ROBO2: variants seen among roughly 807,000 people sequenced by gnomAD.
ROBO2 encodes roundabout homolog 2.
ROBO2 carries 53 observed loss-of-function variants against 160.8 expected under a neutral mutation model. The ratio of observed to expected loss-of-function variants is 0.33; its 90% CI spans 0.26 to 0.41. The LOEUF is 0.41. ROBO2 is among the 10% of genes least tolerant of loss of function. ROBO2 has a pLI of 1.00. For missense variants in ROBO2, 1,577 were observed against 1,722.4 expected (o/e 0.92, Z 1.49); for synonymous variants, 664 against 611.7 (o/e 1.09, Z -1.26).
intron 2 of ROBO2, among the ~76,000 whole-genome samples, chr3:77,410,482 C>A (rs2076613678): frequency 1.3e-5 from 2 of 149,652 alleles, no homozygotes; most frequent in South Asian, 4.3e-4. Flanking sequence ...CCCCTTCTCC[C>A]TCTTCTTTCC....
intron 2 of ROBO2, among the ~76,000 whole-genome samples, chr3:76,141,151 C>G (rs865806961): frequency 2.3e-5 from 1 of 44,266 alleles, no homozygotes; most frequent in Non-Finnish European, 4.0e-5. Flanking sequence ...CTCTCTCTCT[C>G]TCTCTCTCTA....
At chr3:77,556,641 G>A (rs1216141111) in intron 8 of ROBO2, among the ~76,000 whole-genome samples, 4 of 151,822 alleles carry the variant, frequency 2.6e-5, no homozygotes, top group Non-Finnish European at 4.4e-5. Context: ...AAAAGCTGGT[G>A]GGCAAAGGAA....
At chr3:76,113,443 A>G (rs2070327661) in intron 2 of ROBO2, among the ~76,000 whole-genome samples, 1 of 152,170 alleles carries the variant, frequency 6.6e-6, no homozygotes, top group Non-Finnish European at 1.5e-5. Flanking sequence ...AAAAGGACCC[A>G]GGAAGCTTTG....
At position 77,376,154 on chromosome 3, in the gene ROBO2, C is replaced by CTTTTTTTTT. The variant is rs11425201; in HGVS notation, c.389-101248_389-101240dup. Among the ~76,000 whole-genome samples, 158 of 115,530 alleles carry CTTTTTTTTT rather than the reference C, an allele frequency of 1.4e-3. 5 individuals carry two copies. Among genetic ancestry groups the CTTTTTTTTT allele is most frequent in the Middle Eastern group, 0.01 (2 of 198 alleles). The allele number at this position is 115,530 out of a possible 152,430, so 75.8% of individuals were successfully genotyped here. On this transcript the variant is annotated intron_variant, in intron 2 of 25. Coordinates refer to ENST00000461745, the Ensembl canonical transcript of ROBO2. ...AACATTACAATAGGCATTTAACTTT[C>CTTTTTTTTT]TTTTTTTTTTTTTTTTTTTTGACAG...
At chr3:76,225,310 A>G (rs1034769764) in intron 2 of ROBO2, among the ~76,000 whole-genome samples, 3 of 152,230 alleles carry the variant, frequency 2.0e-5, no homozygotes, top group Non-Finnish European at 4.4e-5. Flanking sequence ...GTCTTATGTT[A>G]TAGCCCATTG....
At chr3:76,720,853 T>C (rs928375480) in intron 2 of ROBO2, among the ~76,000 whole-genome samples, 4 of 152,236 alleles carry the variant, frequency 2.6e-5, no homozygotes, top group Non-Finnish European at 5.9e-5. Context: ...GAGCATTTTG[T>C]TTGTCAACTA....
chr3:76,083,305 C>T (rs1576786920), intron 2 of ROBO2, among the ~76,000 whole-genome samples: 2 of 151,950 alleles, frequency 1.3e-5, no homozygotes, highest in African/African-American at 2.4e-5. Flanking sequence ...GATATAAATA[C>T]TGCAAAGTTT....
intron 2 of ROBO2, among the ~76,000 whole-genome samples, chr3:76,681,839 C>A (rs866676246): frequency 6.6e-5 from 10 of 152,114 alleles, no homozygotes; most frequent in Middle Eastern, 3.4e-3. Flanking sequence ...CAACTTAATA[C>A]AAGGAGATGT....
At chr3:75,958,909 G>A (rs1396766291) in intron 2 of ROBO2, among the ~76,000 whole-genome samples, 1 of 151,732 alleles carries the variant, frequency 6.6e-6, no homozygotes, top group African/African-American at 2.4e-5. Flanking sequence ...TATAAAGTAA[G>A]GAGTATAGAT....
chr3:76,838,308 T>TAA (rs2067899051), intron 2 of ROBO2, among the ~76,000 whole-genome samples: 1 of 152,038 alleles, frequency 6.6e-6, no homozygotes, highest in African/African-American at 2.4e-5. Flanking sequence ...GGTGATGAAA[T>TAA]AATCAGTATA....
chr3:77,061,561 C>G (rs906804388), intron 1 of ROBO2, among the ~76,000 whole-genome samples: 1 of 152,156 alleles, frequency 6.6e-6, no homozygotes, highest in African/African-American at 2.4e-5. Context: ...TTCCTTCTGT[C>G]TGTAGGTCTG....
chr3:77,385,779 C>T (rs1013139157), intron 2 of ROBO2, among the ~76,000 whole-genome samples: 1 of 152,106 alleles, frequency 6.6e-6, no homozygotes, highest in Non-Finnish European at 1.5e-5. Context: ...GTATGTTTTC[C>T]TGCCTTAAGT....
chr3:76,192,136 C>T (rs1207926901), intron 2 of ROBO2, among the ~76,000 whole-genome samples: 4 of 151,840 alleles, frequency 2.6e-5, no homozygotes, highest in Non-Finnish European at 5.9e-5. Context: ...CCTGCCATTT[C>T]CCTAGTTAGT....
intron 17 of ROBO2, among the ~76,000 whole-genome samples, chr3:77,589,475 A>G (rs2153684004): frequency 6.6e-6 from 1 of 152,274 alleles, no homozygotes; most frequent in African/African-American, 2.4e-5. Flanking sequence ...GTTCACTTAA[A>G]TAGACTCTTA....
chr3:76,035,994 CT>C lies in ROBO2; in HGVS notation c.109+98400del, dbSNP rs560239448. On this transcript the variant is annotated intron_variant, in intron 2 of 26. Coordinates refer to the ROBO2 transcript ENST00000487694. ...TTACTTCCTTCAAAGTTATTTTCCT[CT>C]TTTTTTTAACTTACATTTCTAAAGC... Among the ~76,000 whole-genome samples, 249 of 151,814 alleles carry C rather than the reference CT, an allele frequency of 1.6e-3. 2 individuals are homozygous for C. Among genetic ancestry groups the C allele is most frequent in the Admixed American group, 5.5e-3 (84 of 15,258 alleles).
intron 2 of ROBO2, among the ~76,000 whole-genome samples, chr3:76,355,367 C>T (rs1357241761): frequency 6.6e-6 from 1 of 151,624 alleles, no homozygotes; most frequent in East Asian, 1.9e-4. Context: ...ATCTACATAT[C>T]ATTTATTTAG....
chr3:77,201,297 C>T (rs1297334942), intron 2 of ROBO2, among the ~76,000 whole-genome samples: 1 of 152,104 alleles, frequency 6.6e-6, no homozygotes, highest in Non-Finnish European at 1.5e-5. Context: ...TGAGGGAATA[C>T]CTGACCATTT....
intron 2 of ROBO2, among the ~76,000 whole-genome samples, chr3:76,267,218 A>G (rs1209514365): frequency 1.3e-5 from 2 of 152,152 alleles, no homozygotes; most frequent in Non-Finnish European, 2.9e-5. Flanking sequence ...CTCTTTGTCC[A>G]TATATTCAAA....
At chr3:76,063,111 A>G (rs972591044) in intron 2 of ROBO2, among the ~76,000 whole-genome samples, 8 of 152,200 alleles carry the variant, frequency 5.3e-5, no homozygotes, top group Admixed American at 4.6e-4. Context: ...ATACTCAAAT[A>G]CTTAACCTAT....
Sources: gnomAD v4.1 joint callset for allele counts (sites outside exome capture counted in the v4.1 genomes callset) on GRCh38, gnomAD v4.1.1 for gene constraint, MANE v1.5 for transcripts, NCBI Gene and HGNC (gene_info 2026-07-23, HGNC 2026-07-21) for gene names.